Variants in SRC observed in about 807,000 individuals in gnomAD.
SRC encodes the protein proto-oncogene tyrosine-protein kinase Src.
In SRC, 13 loss-of-function variants were observed where a neutral mutation model predicts 62.9. That is an observed-to-expected ratio of 0.21 (90% confidence interval 0.13 to 0.33). The LOEUF is 0.33. Ranked by LOEUF, SRC falls within the 10% of genes least tolerant of loss-of-function variation. SRC has a pLI of 1.00. For missense variants in SRC, 457 were observed against 737.3 expected, an observed-to-expected ratio of 0.62 and a Z score of 4.40; for synonymous variants, 302 against 317.5, an observed-to-expected ratio of 0.95 and a Z score of 0.52.
At position 37,402,636 on chromosome 20, in the gene SRC, C is replaced by T. The variant is rs542796287; in HGVS notation, c.1270+48C>T. ...GTCGCGCTTGGCCTGGGACAGGTCACGTCCCGCTCTGAGCCCCAGTTTTTT... is the reference window on the plus strand; with the variant it reads ...GTCGCGCTTGGCCTGGGACAGGTCATGTCCCGCTCTGAGCCCCAGTTTTTT... On this transcript the variant is annotated intron_variant, in intron 12 of 13. Transcript: ENST00000373578. The surrounding 1 kb of genome is among the most constrained non-coding windows in gnomAD (Gnocchi z 6.2). 3.0e-5 allele frequency: 47 copies of T among 1,581,598 alleles called. No homozygotes were observed. Among genetic ancestry groups the T allele is most frequent in the Non-Finnish European group, 3.9e-5 (45 of 1,161,408 alleles).
In SRC at chr20:37,351,201, T is replaced by G. The variant is rs1032091094; in HGVS notation, c.-247+4946T>G. 6.6e-6 allele frequency among the ~76,000 whole-genome samples: 1 copy of G among 152,214 alleles called. No individual in the cohort carries two copies. The highest frequency in any genetic ancestry group is 1.5e-5 in the Non-Finnish European group (1 of 68,038). ...CCAACTTTGGTCCATTTGGTCCTTCTTCTCCCTTAGAACTACCCAGAGAAG... is the reference window on the plus strand; with the variant it reads ...CCAACTTTGGTCCATTTGGTCCTTCGTCTCCCTTAGAACTACCCAGAGAAG... On this transcript the variant is annotated intron_variant, in intron 1 of 13. Transcript: ENST00000373578. The surrounding 1 kb of genome is among the most constrained non-coding windows in gnomAD (Gnocchi z 4.4).
At position 37,392,117 on chromosome 20, in the gene SRC, G is replaced by T. The variant is rs549577717; in HGVS notation, c.351-1778G>T. ...GTGGGTCTTGCCTCCTTACTCCCGGGCCCTCCCTCCAGTGACCCCATATGG... is the reference window on the plus strand; with the variant it reads ...GTGGGTCTTGCCTCCTTACTCCCGGTCCCTCCCTCCAGTGACCCCATATGG... On this transcript the variant is annotated intron_variant, in intron 5 of 13. Transcript: ENST00000373578. Among the ~76,000 whole-genome samples, 45 of 152,146 alleles carry T rather than the reference G, an allele frequency of 3.0e-4. 1 individual carries two copies. In the South Asian group the frequency reaches 9.1e-3, roughly 31 times the overall value.
intron 1 of SRC, among the ~76,000 whole-genome samples, chr20:37,349,584 G>A (rs118005438): frequency 1.3e-5 from 2 of 152,332 alleles, no homozygotes; most frequent in East Asian, 1.9e-4. Flanking sequence ...GTCTGGCACC[G>A]GTAGGTACTT....
intron 1 of SRC, among the ~76,000 whole-genome samples, chr20:37,363,188 C>T (rs957062025): frequency 1.7e-4 from 26 of 152,330 alleles, no homozygotes; most frequent in African/African-American, 5.5e-4. Flanking sequence ...GTTCTCTGAC[C>T]GCCGGCTCCC....
Position 37,386,081 on chromosome 20 carries a change from T to C in SRC, c.257T>C (p.Val86Ala). The stretch of plus-strand genomic sequence containing the variant: ...ACCCCACCCCTCTCTGCAGGTGGAG[T>C]GACCACCTTTGTGGCCCTCTATGAC... ...PQRAGPLAGG[V>A]TTFVALYDYE... is the part of the protein sequence containing the mutation. Residue 86 changes from valine to alanine, a missense_variant, in exon 5 of 14, where the codon GTG becomes GCG. Val to Ala is a moderately conservative substitution (Grantham distance 64, BLOSUM62 0). This residue lies in a region of SRC where 132 missense variants were observed against 135.4 expected (regional missense o/e 0.98). Coordinates refer to ENST00000373578, the MANE Select transcript of SRC (RefSeq NM_198291.3). The C allele has an allele frequency of 6.2e-7, 1 of 1,613,804 alleles. No homozygotes were observed. Among genetic ancestry groups the C allele is most frequent in the South Asian group, 1.1e-5 (1 of 91,076 alleles).
At position 37,396,093 on chromosome 20, in the gene SRC, CG is replaced by C; in HGVS notation, c.554-67del. The C allele has an allele frequency of 8.9e-6, 14 of 1,570,154 alleles. No individual in the cohort carries two copies. The highest frequency in any genetic ancestry group is 1.2e-5 in the Non-Finnish European group (14 of 1,159,876). On this transcript the variant is annotated intron_variant, in intron 7 of 13. Transcript: ENST00000373578. The surrounding 1 kb of genome is among the most constrained non-coding windows in gnomAD (Gnocchi z 6.1). ...CCTCCAATGTCAGGCAGGCACAGAA[CG>C]GTGTCCAGAGCAGCGGCCTGCGGGG...
chr20:37,369,512 T>G (rs1428281704), intron 2 of SRC, among the ~76,000 whole-genome samples: 1 of 152,202 alleles, frequency 6.6e-6, no homozygotes, highest in African/African-American at 2.4e-5. Flanking sequence ...CTGAACTCAT[T>G]TATTAGTTCT....
intron 1 of SRC, among the ~76,000 whole-genome samples, chr20:37,360,343 C>T (rs1012230761): frequency 1.3e-5 from 2 of 151,152 alleles, no homozygotes; most frequent in Non-Finnish European, 2.9e-5. Flanking sequence ...TCCACCTCAG[C>T]CTCCTGAGTA....
chr20:37,374,840 G>A (rs1182478334), intron 2 of SRC, among the ~76,000 whole-genome samples: 2 of 151,810 alleles, frequency 1.3e-5, no homozygotes, highest in African/African-American at 2.4e-5. Context: ...CTCCCAAAAT[G>A]TTGGGATTAC....
At position 37,398,233 on chromosome 20, in the gene SRC, C is replaced by T. The variant is rs1037341513; in HGVS notation, c.859+379C>T. ...AGTGCGTGTCCACACACTAGCTGTT[C>T]GCCATGGAGAGAGAAGCCCGGCTCG... On this transcript the variant is annotated intron_variant, in intron 9 of 13. Coordinates refer to ENST00000373578, the MANE Select transcript of SRC (RefSeq NM_198291.3). This position sits in a 1 kb window ranked among gnomAD's most constrained non-coding sequence, Gnocchi z 5.2. Among the ~76,000 whole-genome samples, 6 of 152,176 alleles carry T rather than the reference C, an allele frequency of 3.9e-5. No individual in the cohort carries two copies. The East Asian group carries it at 5.8e-4, about 15-fold the overall frequency.
chr20:37,389,922 G>A (rs2070519356), intron 5 of SRC, among the ~76,000 whole-genome samples: 1 of 152,186 alleles, frequency 6.6e-6, no homozygotes. Flanking sequence ...AGGCCCGGGG[G>A]AAGGTGCTGG....
chr20:37,371,655 G>T (rs1024695900), intron 2 of SRC, among the ~76,000 whole-genome samples: 2 of 151,898 alleles, frequency 1.3e-5, no homozygotes, highest in African/African-American at 4.8e-5. Flanking sequence ...GTGTCTTAAG[G>T]TAGAAGTTTA....
At chr20:37,346,546 C>T (rs1053008906) in intron 1 of SRC, among the ~76,000 whole-genome samples, 2 of 152,038 alleles carry the variant, frequency 1.3e-5, no homozygotes, top group African/African-American at 2.4e-5. Flanking sequence ...CCCATAGGAT[C>T]CCCCAGAGAA....
chr20:37,380,483 G>A (rs2070349703), intron 2 of SRC, among the ~76,000 whole-genome samples: 1 of 152,216 alleles, frequency 6.6e-6, no homozygotes, highest in Admixed American at 6.5e-5. Flanking sequence ...TGTTTGCAAA[G>A]TACTTAGAGC....
intron 1 of SRC, among the ~76,000 whole-genome samples, chr20:37,356,228 C>A (rs2069879942): frequency 6.6e-6 from 1 of 152,002 alleles, no homozygotes; most frequent in African/African-American, 2.4e-5. Flanking sequence ...TGACAAAGGG[C>A]CTGAAGGTGC....
intron 11 of SRC, chr20:37,401,966 C>T (rs927074525): frequency 7.4e-5 from 29 of 392,766 alleles, no homozygotes; most frequent in African/African-American, 4.4e-4. Flanking sequence ...GCTTAGCAGA[C>T]GTGTTCATGC....
Position 37,384,890 on chromosome 20 carries a change from G to C in SRC, c.250+487G>C, listed in dbSNP as rs1158051511. On this transcript the variant is annotated intron_variant, in intron 4 of 13. Transcript: ENST00000373578. The surrounding 1 kb of genome is among the most constrained non-coding windows in gnomAD (Gnocchi z 6.7). ...GGCGCTCTGCGGTCACCGCAGCCCC[G>C]GAGAGGGCCGTTTTGGAGAGCCGCG... is the stretch of plus-strand genomic sequence containing the variant. 6.6e-6 allele frequency among the ~76,000 whole-genome samples: 1 copy of C among 152,188 alleles called. No individual in the cohort carries two copies. Among genetic ancestry groups the C allele is most frequent in the Non-Finnish European group, 1.5e-5 (1 of 68,016 alleles).
At chr20:37,400,577 A>G (rs1036677743) in intron 10 of SRC, among the ~76,000 whole-genome samples, 2 of 151,676 alleles carry the variant, frequency 1.3e-5, no homozygotes, top group Admixed American at 1.3e-4. Flanking sequence ...TAGAGATGGG[A>G]CCCTATGTTG....
chr20:37,348,755 A>G (rs2069758590), intron 1 of SRC, among the ~76,000 whole-genome samples: 1 of 152,216 alleles, frequency 6.6e-6, no homozygotes, highest in Non-Finnish European at 1.5e-5. Context: ...ACAAGTTGCC[A>G]GTTGAGTTAC....
Sources: gnomAD v4.1 joint callset for allele counts (sites outside exome capture counted in the v4.1 genomes callset) on GRCh38, gnomAD v4.1.1 for gene constraint, gnomAD v4.1.1 regional missense constraint, Gnocchi (gnomAD v3.1) non-coding constraint, MANE v1.5 for transcripts, NCBI Gene and HGNC (gene_info 2026-07-23, HGNC 2026-07-21) for gene names.